Variants in FBXW12 observed in about 807,000 individuals in gnomAD.
FBXW12 encodes the protein F-box/WD repeat-containing protein 12.
FBXW12 carries 43 observed loss-of-function variants against 55.3 expected under a neutral mutation model. The ratio of observed to expected loss-of-function variants is 0.78; its 90% CI spans 0.61 to 1.00. The LOEUF is 1.00. FBXW12 is among the 50% of genes least tolerant of loss of function. The pLI is 0.00. For missense variants in FBXW12, 524 were observed against 560.5 expected, an observed-to-expected ratio of 0.93 and a Z score of 0.66; for synonymous variants, 184 against 203.8, an observed-to-expected ratio of 0.90 and a Z score of 0.83.
intron 10 of FBXW12, among the ~76,000 whole-genome samples, chr3:48,383,428 G>A (rs2036805257): frequency 6.6e-6 from 1 of 152,002 alleles, no homozygotes; most frequent in Admixed American, 6.6e-5. Flanking sequence ...TAATTGGGTT[G>A]TTAATATTGA....
At chr3:48,381,264 C>T (rs145906050) in intron 8 of FBXW12, among the ~76,000 whole-genome samples, 1,796 of 152,152 alleles carry the variant, frequency 0.012, 44 homozygotes, top group African/African-American at 0.04. Context: ...CCTCATGATC[C>T]GCCTGCCTCG....
chr3:48,385,593 C>T (rs1017443049), intron 10 of FBXW12, among the ~76,000 whole-genome samples: 2 of 152,082 alleles, frequency 1.3e-5, no homozygotes, highest in Non-Finnish European at 2.9e-5. Flanking sequence ...TTTTGAGGAA[C>T]TTTCATGTTG....
rs1004499292 is a variant in FBXW12, at chr3:48,379,559, G to T, written c.774+1G>T. ...GACATACAGTCGTACCTTGCCACAG[G>T]TAGGTGCTGTTCTGTGTATTTCAAT... On this transcript the variant is annotated splice_donor_variant, in intron 7 of 10. Coordinates refer to ENST00000296438, the MANE Select transcript of FBXW12 (RefSeq NM_207102.2). LOFTEE classifies it high-confidence loss of function. The T allele has an allele frequency of 6.2e-7, 1 of 1,613,700 alleles. No individual in the cohort carries two copies. Among genetic ancestry groups the T allele is most frequent in the African/African-American group, 1.3e-5 (1 of 74,934 alleles).
chr3:48,374,329 A>AT (rs35433340), intron 4 of FBXW12, among the ~76,000 whole-genome samples: 2,559 of 137,850 alleles, frequency 0.019, 80 homozygotes, highest in African/African-American at 0.052. Context: ...CAACCAGTTG[A>AT]TTTTTTTTTT....
At chr3:48,388,433 A>G (rs921009573) in intron 10 of FBXW12, among the ~76,000 whole-genome samples, 2 of 152,178 alleles carry the variant, frequency 1.3e-5, no homozygotes, top group Non-Finnish European at 2.9e-5. Context: ...GCAGCTCTGT[A>G]ACTTGCTGCA....
At chr3:48,391,355 C>CACATACACACAT (rs1301553701) in intron 10 of FBXW12, among the ~76,000 whole-genome samples, 3 of 141,628 alleles carry the variant, frequency 2.1e-5, no homozygotes, top group South Asian at 4.5e-4. Flanking sequence ...CACACACACA[C>CACATACACACAT]ATATATATAT....
At chr3:48,390,853 C>T (rs529099167) in intron 10 of FBXW12, among the ~76,000 whole-genome samples, 11 of 152,204 alleles carry the variant, frequency 7.2e-5, no homozygotes, top group Non-Finnish European at 1.5e-4. Context: ...TCAGTTTAAA[C>T]ATTATCAGTA....
chr3:48,384,461 A>G (rs575346410), intron 10 of FBXW12, among the ~76,000 whole-genome samples: 6 of 152,134 alleles, frequency 3.9e-5, no homozygotes, highest in Non-Finnish European at 8.8e-5. Flanking sequence ...TGCTTTCTCT[A>G]TGTAGACAAT....
At chr3:48,380,375 G>T (rs1473818978) in intron 7 of FBXW12, among the ~76,000 whole-genome samples, 2 of 152,104 alleles carry the variant, frequency 1.3e-5, no homozygotes, top group African/African-American at 2.4e-5. Flanking sequence ...GGTAGTAAAA[G>T]CCACACAGCC....
chr3:48,372,889 A>G (rs899750054), intron 2 of FBXW12, 32 bp downstream of exon 2: 4 of 1,595,384 alleles, frequency 2.5e-6, no homozygotes, highest in Non-Finnish European at 3.4e-6. Flanking sequence ...CTGCCCCCCA[A>G]GCCCGCTGCT....
chr3:48,388,619 T>C (rs908108535), intron 10 of FBXW12, among the ~76,000 whole-genome samples: 2 of 152,242 alleles, frequency 1.3e-5, no homozygotes, highest in Non-Finnish European at 2.9e-5. Flanking sequence ...TTTCATTCTT[T>C]TACTTCCAAT....
Position 48,380,335 on chromosome 3 carries a change from G to A in FBXW12, c.775-367G>A, listed in dbSNP as rs553533558. ...TTTGTAGTGGGGCACTGGTGGACTG[G>A]GCACCAAAGAGGGAGGAGTTCAGAA... On this transcript the variant is annotated intron_variant, in intron 7 of 10. Coordinates refer to ENST00000296438, the MANE Select transcript of FBXW12 (RefSeq NM_207102.2). Among the ~76,000 whole-genome samples, 40 of 152,130 alleles carry A rather than the reference G, an allele frequency of 2.6e-4. 1 individual carries two copies. The highest frequency in any genetic ancestry group is 3.4e-3 in the Middle Eastern group (1 of 294).
intron 4 of FBXW12, among the ~76,000 whole-genome samples, chr3:48,374,855 C>T (rs1289014945): frequency 2.6e-5 from 4 of 151,068 alleles, no homozygotes; most frequent in South Asian, 2.1e-4. Flanking sequence ...CTGCAACCTC[C>T]GCCTCCTGGG....
In FBXW12 at chr3:48,376,850, T is replaced by A. The variant is rs984146207; in HGVS notation, c.405+1378T>A. The stretch of plus-strand genomic sequence containing the variant: ...AATTGCCAGCATGTTTTCTATTGGA[T>A]TTCAAAATTTCTTGTAGCAGTGATT... On this transcript the variant is annotated intron_variant, in intron 5 of 10. Transcript: ENST00000296438. Among the ~76,000 whole-genome samples the A allele has an allele frequency of 2.7e-5, 4 of 149,462 alleles. No individual in the cohort carries two copies. The Admixed American group carries it at 2.7e-4, about 10-fold the overall frequency.
intron 10 of FBXW12, among the ~76,000 whole-genome samples, chr3:48,383,870 T>C (rs2036811088): frequency 6.6e-6 from 1 of 152,188 alleles, no homozygotes; most frequent in African/African-American, 2.4e-5. Context: ...ATCAACCATA[T>C]TTACATGGGT....
intron 10 of FBXW12, among the ~76,000 whole-genome samples, chr3:48,393,123 G>A (rs1228413665): frequency 6.6e-6 from 1 of 151,290 alleles, no homozygotes; most frequent in Non-Finnish European, 1.5e-5. Flanking sequence ...AGCCTCCCAA[G>A]TAGCTGGGAC....
At chr3:48,376,318 A>G (rs1399979800) in intron 5 of FBXW12, among the ~76,000 whole-genome samples, 1 of 152,154 alleles carries the variant, frequency 6.6e-6, no homozygotes, top group Non-Finnish European at 1.5e-5. Context: ...CTATATATAA[A>G]TTTGTATAAG....
chr3:48,384,627 T>A (rs2036820096), intron 10 of FBXW12, among the ~76,000 whole-genome samples: 1 of 152,240 alleles, frequency 6.6e-6, no homozygotes, highest in Non-Finnish European at 1.5e-5. Context: ...ATTATTATTA[T>A]ATTCACTGTA....
intron 10 of FBXW12, among the ~76,000 whole-genome samples, chr3:48,382,548 C>A (rs997605045): frequency 6.6e-6 from 1 of 152,018 alleles, no homozygotes; most frequent in Non-Finnish European, 1.5e-5. Flanking sequence ...ATGGGACTTG[C>A]AATAGATGTT....
Sources: allele counts gnomAD v4.1 joint callset (sites outside exome capture counted in the v4.1 genomes callset), GRCh38; gene constraint gnomAD v4.1.1; transcripts MANE v1.5; gene names NCBI Gene and HGNC (gene_info 2026-07-23, HGNC 2026-07-21).